The following RTTN variants were observed in gnomAD, a reference collection of about 807,000 sequenced individuals.
The protein encoded by RTTN is rotatin.
A neutral mutation model predicts 269.2 loss-of-function variants in RTTN; 182 were observed. That is an observed-to-expected ratio of 0.68 (90% CI 0.60 to 0.76). The LOEUF (loss-of-function observed/expected upper bound fraction) is 0.76. RTTN is among the 30% of genes least tolerant of loss of function. The probability of loss-of-function intolerance (pLI) is 0.00; values close to 1 mark genes in which losing one functional copy is unlikely to be tolerated. For missense variants in RTTN, 2,545 were observed against 2,608.6 expected (o/e 0.98, Z 0.53); for synonymous variants, 1,006 against 963.5 (o/e 1.04, Z -0.82).
chr18:70,054,199 TC>T lies in RTTN; in HGVS notation c.5116del (p.Asp1706MetfsTer4). ...LLVEPDLVIQ[D>X]ELVKPLITNI... ...GGTGATAAGAGGTTTCACAAGCTCA[TC>T]CTGAATCACAAGGTCAGGCTCCACC... On this transcript the variant is annotated frameshift_variant, in exon 38 of 49. Coordinates refer to ENST00000640769, the MANE Select transcript of RTTN (RefSeq NM_173630.4). LOFTEE classifies it high-confidence loss of function. 2 of 1,613,794 alleles carry T rather than the reference TC, an allele frequency of 1.2e-6. No homozygotes were observed. The highest frequency in any genetic ancestry group is 1.7e-6 in the Non-Finnish European group (2 of 1,179,768).
rs1301191961 is a variant in RTTN, at chr18:70,168,708, T to C, written c.1689+147A>G. 5.2e-6 allele frequency: 3 copies of C among 577,810 alleles called. No homozygotes were observed. The East Asian group carries it at 8.6e-5, about 17-fold the overall frequency. 35.8% of individuals were successfully genotyped at this position (577,810 alleles called of 1,614,324 possible). A position where few individuals can be genotyped will look rare whatever the true frequency, so the allele number is the denominator to read the frequency against. ...CATATCCTTACTTTAACCTGTTAAA[T>C]AACAGGTTATGTATAATTGACCCAC... On this transcript the variant is annotated intron_variant, in intron 12 of 48. Transcript: ENST00000640769.
chr18:70,037,199 A>G (rs973885431), intron 40 of RTTN, among the ~76,000 whole-genome samples: 5 of 152,244 alleles, frequency 3.3e-5, no homozygotes, highest in African/African-American at 1.2e-4. Flanking sequence ...AGTCTTGGAC[A>G]CAAGGCCTGC....
At chr18:70,172,457 AAAG>A (rs1397457047) in intron 11 of RTTN, among the ~76,000 whole-genome samples, 1 of 152,216 alleles carries the variant, frequency 6.6e-6, no homozygotes, top group Non-Finnish European at 1.5e-5. Flanking sequence ...TATATAAACC[AAAG>A]AAGAAATTTA....
intron 4 of RTTN, among the ~76,000 whole-genome samples, chr18:70,200,154 T>C (rs1185741213): frequency 6.6e-6 from 1 of 152,196 alleles, no homozygotes; most frequent in Non-Finnish European, 1.5e-5. Context: ...CAAATGGCAG[T>C]CTTTCTGCCA....
intron 10 of RTTN, among the ~76,000 whole-genome samples, chr18:70,183,093 A>G (rs1391749175): frequency 6.6e-6 from 1 of 152,200 alleles, no homozygotes; most frequent in Non-Finnish European, 1.5e-5. Flanking sequence ...CCAGAAATCA[A>G]CTAGAAAGTG....
chr18:70,190,795 G>T, intron 8 of RTTN, 76 bp from the exon 9 acceptor site: 1 of 1,004,136 alleles, frequency 1.0e-6, no homozygotes, highest in Non-Finnish European at 1.5e-6. Context: ...CTGCTGCCTC[G>T]CATATTAGAA....
intron 28 of RTTN, among the ~76,000 whole-genome samples, chr18:70,100,606 C>T (rs1172348049): frequency 1.3e-5 from 2 of 152,056 alleles, no homozygotes; most frequent in Non-Finnish European, 2.9e-5. Context: ...CCAGAACTTC[C>T]AACACTGTTG....
At chr18:70,058,662 A>G (rs1453480263) in intron 36 of RTTN, among the ~76,000 whole-genome samples, 1 of 152,238 alleles carries the variant, frequency 6.6e-6, no homozygotes, top group Admixed American at 6.5e-5. Context: ...ATGCCACATC[A>G]GACTCTTAGC....
intron 17 of RTTN, among the ~76,000 whole-genome samples, chr18:70,147,188 CT>C (rs1268584259): frequency 5.3e-5 from 8 of 152,168 alleles, no homozygotes; most frequent in Non-Finnish European, 8.8e-5. Flanking sequence ...TTCTTTAAAA[CT>C]TTTGAGTACA....
chr18:70,099,571 G>C (rs1160571860), intron 28 of RTTN, among the ~76,000 whole-genome samples: 1 of 152,106 alleles, frequency 6.6e-6, no homozygotes, highest in African/African-American at 2.4e-5. Flanking sequence ...CTATGCAGAA[G>C]CTCTTTAGTT....
chr18:70,193,610 T>A (rs926279530), intron 7 of RTTN, among the ~76,000 whole-genome samples, 157 bp from the exon 8 acceptor site: 1 of 152,254 alleles, frequency 6.6e-6, no homozygotes. Flanking sequence ...AACTTTTCTA[T>A]AAGTATTCAC....
At chr18:70,066,015 G>A in intron 34 of RTTN, 93 bp from the exon 35 acceptor site, 1 of 754,174 alleles carries the variant, frequency 1.3e-6, no homozygotes, top group East Asian at 2.8e-5. Context: ...AAACAAGGAG[G>A]TTTAAGACAA....
chr18:70,046,391 A>G (rs553328497), intron 40 of RTTN, among the ~76,000 whole-genome samples: 1 of 152,288 alleles, frequency 6.6e-6, no homozygotes, highest in Non-Finnish European at 1.5e-5. Context: ...TGACGAGCCA[A>G]GTGTGTCAGC....
chr18:70,032,627 A>G (rs149346942), intron 40 of RTTN, among the ~76,000 whole-genome samples: 81 of 152,370 alleles, frequency 5.3e-4, no homozygotes, highest in African/African-American at 1.9e-3. Context: ...AAGGCAACCT[A>G]GCTATCCTAA....
intron 9 of RTTN, 92 bp from the exon 10 acceptor site, chr18:70,188,315 G>C: frequency 1.4e-6 from 1 of 695,996 alleles, no homozygotes; most frequent in South Asian, 1.8e-5. Context: ...TTTCTAGTTA[G>C]TCATGCTCCA....
intron 7 of RTTN, 59 bp from the exon 8 acceptor site, chr18:70,193,512 T>C (rs2061731476): frequency 8.5e-7 from 1 of 1,174,568 alleles, no homozygotes; most frequent in Admixed American, 2.8e-5. Context: ...TCTGACTATG[T>C]GGTATTTATG....
In RTTN at chr18:70,003,431, C is replaced by G. The variant is rs1202381545; in HGVS notation, c.*720G>C. 6.6e-6 allele frequency: 1 copy of G among 152,140 alleles called. No individual in the cohort carries two copies. Among genetic ancestry groups the G allele is most frequent in the Non-Finnish European group, 1.5e-5 (1 of 68,032 alleles). 9.4% of individuals were successfully genotyped at this position (152,140 alleles called of 1,614,324 possible). A position where few individuals can be genotyped will look rare whatever the true frequency, so the allele number is the denominator to read the frequency against. On this transcript the variant is annotated 3_prime_UTR_variant, in exon 49 of 49. Transcript: ENST00000640769. ...GGCTTATACAGCCCCAACTCTATTTCTTTCTTCTTTATTACACAGCCTTGC... is the reference window on the plus strand; with the variant it reads ...GGCTTATACAGCCCCAACTCTATTTGTTTCTTCTTTATTACACAGCCTTGC...
rs1255573675 is a variant in RTTN at position 70,030,107 on chromosome 18, T to G, written c.5650A>C (p.Asn1884His). 6.2e-7 allele frequency: 1 copy of G among 1,608,082 alleles called. No individual in the cohort carries two copies. The highest frequency in any genetic ancestry group is 1.3e-5 in the African/African-American group (1 of 74,814). The change falls in exon 42 of 49, where the codon AAT (asparagine) becomes CAT (histidine). Residue 1884 changes from asparagine to histidine, a missense_variant and splice_region_variant. Coordinates refer to ENST00000640769, the MANE Select transcript of RTTN (RefSeq NM_173630.4). ...RRAQKHALKA[N>H]LIDNCMEQMK... Reference sequence around the variant, plus strand: ...TGCTCCATGCAATTGTCTATAAGATTGGCTGAAAGACAAAATCTGCAGTAG... The same window carrying G: ...TGCTCCATGCAATTGTCTATAAGATGGGCTGAAAGACAAAATCTGCAGTAG...
rs1166271120 is a variant in RTTN, at chr18:70,080,132, A to T, written c.4375-4591T>A. Among the ~76,000 whole-genome samples the T allele has an allele frequency of 4.6e-5, 7 of 152,264 alleles. No individual in the cohort carries two copies. In the South Asian group the frequency reaches 1.4e-3, roughly 32 times the overall value. On this transcript the variant is annotated intron_variant, in intron 32 of 48. Coordinates refer to ENST00000640769, the MANE Select transcript of RTTN (RefSeq NM_173630.4). ...TTCATAACAAACAAAAGATAAAAAT[A>T]ATACATATTAATCATATCAAATATC...
Sources: allele counts gnomAD v4.1 joint callset (sites outside exome capture counted in the v4.1 genomes callset), GRCh38; gene constraint gnomAD v4.1.1; transcripts MANE v1.5; gene names NCBI Gene and HGNC (gene_info 2026-07-23, HGNC 2026-07-21).